The following DIAPH2 variants were observed in gnomAD, a reference collection of about 807,000 sequenced individuals.
DIAPH2 encodes diaphanous related formin 2, also known as protein diaphanous homolog 2.
DIAPH2 carries 35 observed loss-of-function variants against 92.7 expected under a neutral mutation model. The ratio of observed to expected loss-of-function variants is 0.38; its 90% CI spans 0.29 to 0.50. The LOEUF is 0.50. DIAPH2 is among the 20% of genes least tolerant of loss of function. The pLI is 0.94. For missense variants in DIAPH2, 701 were observed against 819.5 expected (o/e 0.86, Z 1.77); for synonymous variants, 301 against 280.4 (o/e 1.07, Z -0.73).
chrX:97,240,788 A>G (rs2068087624), intron 22 of DIAPH2, among the ~76,000 whole-genome samples: 1 of 111,201 alleles, frequency 9.0e-6, no homozygotes, highest in African/African-American at 3.3e-5. Context: ...AGTGAAATAT[A>G]AAATGAATAT....
intron 19 of DIAPH2, among the ~76,000 whole-genome samples, chrX:97,082,500 C>T (rs1234992073): frequency 9.2e-6 from 1 of 108,450 alleles, no homozygotes; most frequent in Non-Finnish European, 1.9e-5. Flanking sequence ...GGTGTGGGGG[C>T]GCACGCCTAT....
At chrX:97,496,938 C>T (rs2070763103) in intron 26 of DIAPH2, among the ~76,000 whole-genome samples, 1 of 111,698 alleles carries the variant, frequency 9.0e-6, no homozygotes, top group African/African-American at 3.3e-5. Context: ...TATTTAAAAA[C>T]TTCAAAATAA....
intron 17 of DIAPH2, among the ~76,000 whole-genome samples, chrX:97,044,741 C>T (rs906441399): frequency 1.8e-5 from 2 of 111,079 alleles, no homozygotes; most frequent in Middle Eastern, 4.6e-3. Context: ...GAACCACTCT[C>T]GACCTCATAG....
chrX:97,204,317 G>C (rs2067777936), intron 22 of DIAPH2, among the ~76,000 whole-genome samples: 1 of 111,554 alleles, frequency 9.0e-6, no homozygotes, highest in African/African-American at 3.3e-5. Flanking sequence ...TGGAAGTTCT[G>C]GCCAGGGCAA....
intron 23 of DIAPH2, among the ~76,000 whole-genome samples, chrX:97,267,139 G>A (rs2068344099): frequency 1.8e-5 from 2 of 111,661 alleles, no homozygotes; most frequent in Non-Finnish European, 3.8e-5. Flanking sequence ...CACTTGGACT[G>A]TACATAGAGT....
chrX:97,454,509 T>C (rs2070385733), intron 26 of DIAPH2, among the ~76,000 whole-genome samples: 1 of 111,708 alleles, frequency 9.0e-6, no homozygotes, highest in Non-Finnish European at 1.9e-5. Context: ...TTCCTTCACA[T>C]TTTTTACAAT....
intron 15 of DIAPH2, among the ~76,000 whole-genome samples, chrX:96,956,146 G>T (rs899330208): frequency 8.9e-6 from 1 of 112,985 alleles, no homozygotes; most frequent in Non-Finnish European, 1.9e-5. Flanking sequence ...CCAAACCTCA[G>T]TTCTTCACTT....
chrX:97,201,401 A>G (rs945476261), intron 22 of DIAPH2, among the ~76,000 whole-genome samples: 1 of 89,415 alleles, frequency 1.1e-5, no homozygotes, highest in Non-Finnish European at 2.4e-5. Context: ...AACCCAATGC[A>G]AGGAAGCTAA....
chrX:97,241,616 C>T (rs1272109929), intron 22 of DIAPH2, among the ~76,000 whole-genome samples: 62 of 109,409 alleles, frequency 5.7e-4, no homozygotes, highest in Non-Finnish European at 9.5e-5. Flanking sequence ...CTAATTCTTA[C>T]ACCACAGAAG....
chrX:96,690,090 T>C (rs1050036025), intron 1 of DIAPH2, among the ~76,000 whole-genome samples: 1 of 110,769 alleles, frequency 9.0e-6, no homozygotes, highest in Non-Finnish European at 1.9e-5. Flanking sequence ...TCTTCAGGGC[T>C]GTGAGAACTC....
chrX:96,882,989 AAAC>A, intron 5 of DIAPH2, among the ~76,000 whole-genome samples: 3 of 55,138 alleles, frequency 5.4e-5, no homozygotes, highest in African/African-American at 1.2e-4. Flanking sequence ...AAAAACAAAA[AAAC>A]AAAAATCCGG....
intron 17 of DIAPH2, among the ~76,000 whole-genome samples, chrX:97,056,032 G>T (rs1022792522): frequency 2.7e-5 from 3 of 111,149 alleles, no homozygotes; most frequent in Non-Finnish European, 5.7e-5. Flanking sequence ...AGAGAATAGT[G>T]CTCTTATTTT....
At chrX:96,798,770 T>C (rs2064559480) in intron 4 of DIAPH2, among the ~76,000 whole-genome samples, 1 of 111,870 alleles carries the variant, frequency 8.9e-6, no homozygotes, top group African/African-American at 3.2e-5. Flanking sequence ...AGACTTGTTT[T>C]TAAACTTTGC....
intron 26 of DIAPH2, among the ~76,000 whole-genome samples, chrX:97,574,644 C>G (rs2071389936): frequency 9.0e-6 from 1 of 111,087 alleles, no homozygotes; most frequent in Non-Finnish European, 1.9e-5. Flanking sequence ...TTTATGGAGG[C>G]AATAGGAGAA....
chrX:97,566,303 T>A (rs73258367), intron 26 of DIAPH2, among the ~76,000 whole-genome samples: 13,935 of 111,654 alleles, frequency 0.12, 879 homozygotes, highest in Admixed American at 0.21. Context: ...TCTTGAAATA[T>A]TTATCCAATT....
intron 17 of DIAPH2, among the ~76,000 whole-genome samples, chrX:97,068,262 G>A (rs1230163081): frequency 3.6e-5 from 4 of 111,608 alleles, no homozygotes; most frequent in African/African-American, 9.8e-5. Context: ...TAAAATGACA[G>A]TGGTTAATAC....
intron 26 of DIAPH2, among the ~76,000 whole-genome samples, chrX:97,499,391 T>C (rs1017761033): frequency 5.4e-5 from 6 of 111,984 alleles, no homozygotes; most frequent in Admixed American, 9.5e-5. Context: ...CCCTTTTTGT[T>C]ATTGGGAGAG....
chrX:97,242,183 A>G (rs1430676526), intron 22 of DIAPH2, among the ~76,000 whole-genome samples: 3 of 109,263 alleles, frequency 2.7e-5, no homozygotes, highest in Non-Finnish European at 3.8e-5. Context: ...TAGATCTAAT[A>G]TATGCAACAC....
intron 4 of DIAPH2, among the ~76,000 whole-genome samples, chrX:96,863,087 T>C (rs2065081350): frequency 9.1e-6 from 1 of 110,380 alleles, no homozygotes. Flanking sequence ...TCTATAAAGA[T>C]GTGTCCTGGG....
Sources: allele counts gnomAD v4.1 joint callset (sites outside exome capture counted in the v4.1 genomes callset), GRCh38; gene constraint gnomAD v4.1.1; transcripts MANE v1.5; gene names NCBI Gene and HGNC (gene_info 2026-07-23, HGNC 2026-07-21).